Variants in ST7L observed in about 807,000 individuals in gnomAD.
ST7L encodes suppression of tumorigenicity 7 like, also known as suppressor of tumorigenicity 7 protein-like.
ST7L carries 57 observed loss-of-function variants against 72.5 expected under a neutral mutation model. The observed-to-expected ratio is 0.79, with a 90% CI of 0.64 to 0.98. ST7L has a LOEUF of 0.98. Ranked by LOEUF, ST7L falls within the 50% of genes least tolerant of loss-of-function variation. ST7L has a pLI of 0.00. For synonymous variants in ST7L, 221 were observed against 240.9 expected, an observed-to-expected ratio of 0.92 and a Z score of 0.77; for missense variants, 576 against 672.2, an observed-to-expected ratio of 0.86 and a Z score of 1.58.
At chr1:112,536,077 G>A (rs1017758112) in intron 14 of ST7L, among the ~76,000 whole-genome samples, 3 of 151,900 alleles carry the variant, frequency 2.0e-5, no homozygotes, top group African/African-American at 7.3e-5. Flanking sequence ...ATTATCTCTG[G>A]GAAACAACTC....
intron 13 of ST7L, among the ~76,000 whole-genome samples, chr1:112,543,099 A>C (rs4838959): frequency 0.65 from 98,440 of 152,062 alleles, 33,630 homozygotes; most frequent in African/African-American, 0.86. Context: ...CACACCTGGC[A>C]TTGAGTTGTT....
intron 11 of ST7L, among the ~76,000 whole-genome samples, chr1:112,563,901 T>C (rs1446834691): frequency 1.3e-5 from 2 of 152,196 alleles, no homozygotes; most frequent in Non-Finnish European, 2.9e-5. Flanking sequence ...CCTGAAGTAA[T>C]GATAATGCTT....
At chr1:112,591,496 A>C in intron 6 of ST7L, 29 bp downstream of exon 6, 2 of 1,586,402 alleles carry the variant, frequency 1.3e-6, no homozygotes, top group Non-Finnish European at 1.7e-6. Flanking sequence ...CTTCAAAATA[A>C]ATTTATTTTC....
chr1:112,536,393 T>G (rs747019976), intron 14 of ST7L, among the ~76,000 whole-genome samples: 9 of 152,094 alleles, frequency 5.9e-5, no homozygotes, highest in Non-Finnish European at 1.3e-4. Context: ...TAATATATAG[T>G]TATAATTGTT....
chr1:112,619,467 C>G (rs547148420), upstream of ST7L: 614 of 539,140 alleles, frequency 1.1e-3, 2 homozygotes, highest in Non-Finnish European at 1.4e-3. Flanking sequence ...GCTCTTAAAG[C>G]TTTGGATTCG....
intron 9 of ST7L, among the ~76,000 whole-genome samples, chr1:112,580,759 C>CT (rs1330235426): frequency 1.3e-5 from 2 of 152,030 alleles, no homozygotes; most frequent in African/African-American, 4.8e-5. Context: ...CTCATCTCTA[C>CT]TAAAAAAAAT....
downstream of ST7L, among the ~76,000 whole-genome samples, chr1:112,519,638 C>CAAT (rs1652748932): frequency 1.3e-5 from 2 of 152,156 alleles, no homozygotes; most frequent in South Asian, 4.2e-4. Context: ...GGGATAATAG[C>CAAT]AATAATAATA....
chr1:112,600,723 G>T, intron 4 of ST7L, 71 bp downstream of exon 4: 1 of 1,327,756 alleles, frequency 7.5e-7, no homozygotes, highest in Non-Finnish European at 1.1e-6. Flanking sequence ...TATTTATAAA[G>T]ACAAATGATT....
chr1:112,550,527 A>T, intron 13 of ST7L, 74 bp downstream of exon 13: 1 of 1,173,320 alleles, frequency 8.5e-7, no homozygotes, highest in Non-Finnish European at 1.2e-6. Flanking sequence ...AGGCATTTTT[A>T]AAATGGAGAA....
chr1:112,550,255 A>G (rs538265536), intron 13 of ST7L, among the ~76,000 whole-genome samples: 2 of 152,288 alleles, frequency 1.3e-5, no homozygotes, highest in Non-Finnish European at 2.9e-5. Context: ...TTGGTTTGGT[A>G]TCAGGAAAAT....
chr1:112,618,400 C>G lies in ST7L; in HGVS notation c.205+509G>C, dbSNP rs192751004. The G allele has an allele frequency of 2.2e-3, 724 of 334,384 alleles. 2 individuals are homozygous for G. The highest frequency in any genetic ancestry group is 0.016 in the African/African-American group (685 of 44,122). 20.7% of individuals were successfully genotyped at this position (334,384 alleles called of 1,614,324 possible). ...AGAACAGACAAAACTATCACGAAAA[C>G]GATTTCTTAACAGAACTATTTTAAA... On this transcript the variant is annotated intron_variant, in intron 1 of 14. Coordinates refer to ENST00000358039, the MANE Select transcript of ST7L (RefSeq NM_017744.5).
At chr1:112,598,979 G>C (rs1490316868) in intron 4 of ST7L, among the ~76,000 whole-genome samples, 1 of 146,450 alleles carries the variant, frequency 6.8e-6, no homozygotes, top group Non-Finnish European at 1.5e-5. Flanking sequence ...AGAATCACTT[G>C]AACCCAGGAG....
Position 112,525,840 on chromosome 1 carries a change from G to A in ST7L, c.*173C>T, listed in dbSNP as rs1653291837. 1 of 797,378 alleles carries A rather than the reference G, an allele frequency of 1.3e-6. No homozygotes were observed. The highest frequency in any genetic ancestry group is 1.7e-5 in the African/African-American group (1 of 58,164). The allele number at this position is 797,378 out of a possible 1,614,324, so 49.4% of individuals were successfully genotyped here. ...AGTTGTCCTTTTTGACAGCTTCCAA[G>A]GGGGGTTTGCCTAGGAATAACAATA... On this transcript the variant is annotated 3_prime_UTR_variant, in exon 15 of 15. Transcript: ENST00000358039.
chr1:112,543,805 G>A (rs1245664507), intron 13 of ST7L, among the ~76,000 whole-genome samples: 3 of 143,778 alleles, frequency 2.1e-5, no homozygotes, highest in Non-Finnish European at 4.5e-5. Flanking sequence ...AGAGGCAGAG[G>A]TTGCAGTGAG....
intron 3 of ST7L, among the ~76,000 whole-genome samples, chr1:112,604,217 A>G (rs535455519): frequency 5.2e-4 from 79 of 152,110 alleles, no homozygotes; most frequent in Admixed American, 7.9e-4. Context: ...GCTGAGGCAC[A>G]AGAATTGCTT....
chr1:112,556,985 C>CAAAAAAAAAAAAAAAAAAA (rs1196828305), intron 11 of ST7L, among the ~76,000 whole-genome samples: 10 of 82,068 alleles, frequency 1.2e-4, no homozygotes, highest in Non-Finnish European at 2.1e-4. Flanking sequence ...AAAAAAAAAA[C>CAAAAAAAAAAAAAAAAAAA]AAAAAAAAAA....
chr1:112,615,751 C>A (rs185683801), intron 2 of ST7L, among the ~76,000 whole-genome samples: 2 of 151,994 alleles, frequency 1.3e-5, no homozygotes, highest in South Asian at 4.2e-4. Context: ...TTTATTCATT[C>A]ATTTTTGAGA....
At chr1:112,547,351 C>A (rs1298433809) in intron 13 of ST7L, among the ~76,000 whole-genome samples, 1 of 151,932 alleles carries the variant, frequency 6.6e-6, no homozygotes, top group Non-Finnish European at 1.5e-5. Flanking sequence ...AGCCACCACA[C>A]CTGGCTAACT....
intron 14 of ST7L, among the ~76,000 whole-genome samples, chr1:112,537,208 A>G (rs1655364697): frequency 6.6e-6 from 1 of 152,188 alleles, no homozygotes; most frequent in Admixed American, 6.5e-5. Context: ...CATGTTGGCC[A>G]GGCTGGTCTC....
Sources: allele counts gnomAD v4.1 joint callset (sites outside exome capture counted in the v4.1 genomes callset), GRCh38; gene constraint gnomAD v4.1.1; transcripts MANE v1.5; gene names NCBI Gene and HGNC (gene_info 2026-07-23, HGNC 2026-07-21).